DGKB: variants seen among roughly 807,000 people sequenced by gnomAD.
The protein encoded by DGKB is 90 kDa diacylglycerol kinase.
Under a neutral mutation model 114.3 loss-of-function variants are expected in DGKB, and 67 were observed. That is an observed-to-expected ratio of 0.59 (90% CI 0.48 to 0.72). The LOEUF is 0.72. Among genes scored for constraint, DGKB ranks in the 30% least tolerant of loss-of-function variants. The probability of loss-of-function intolerance (pLI) is 0.00; values close to 1 mark genes in which losing one functional copy is unlikely to be tolerated. For synonymous variants in DGKB, 398 were observed against 323.1 expected (o/e 1.23, Z -2.49); for missense variants, 907 against 975.2 (o/e 0.93, Z 0.93).
chr7:14,890,782 G>T (rs1337665530), intron 1 of DGKB, among the ~76,000 whole-genome samples: 1 of 150,530 alleles, frequency 6.6e-6, no homozygotes, highest in Non-Finnish European at 1.5e-5. Context: ...GCTTGTTCTT[G>T]TCAGACACCG....
intron 1 of DGKB, among the ~76,000 whole-genome samples, chr7:14,843,688 C>T (rs1016166667): frequency 1.3e-5 from 2 of 152,154 alleles, no homozygotes; most frequent in African/African-American, 4.8e-5. Context: ...TTTTAATTGC[C>T]AACAAGGCAA....
chr7:14,357,007 TACTTCCA>T (rs1563005156), intron 21 of DGKB, among the ~76,000 whole-genome samples: 2 of 152,222 alleles, frequency 1.3e-5, no homozygotes, highest in Admixed American at 1.3e-4. Context: ...AGGAGTGCTT[TACTTCCA>T]ACTATGTGGT....
intron 17 of DGKB, among the ~76,000 whole-genome samples, chr7:14,594,877 G>C (rs1165938974): frequency 6.6e-6 from 1 of 152,086 alleles, no homozygotes; most frequent in African/African-American, 2.4e-5. Flanking sequence ...AATGGCACCT[G>C]TATCTATCCA....
chr7:14,605,126 G>A (rs1412684976), intron 17 of DGKB, among the ~76,000 whole-genome samples: 1 of 151,862 alleles, frequency 6.6e-6, no homozygotes, highest in African/African-American at 2.4e-5. Context: ...TAGCATATTT[G>A]GTAATAATTG....
At position 14,964,774 on chromosome 7, in the gene DGKB, GCA is replaced by G. The variant is rs371042934; in HGVS notation, c.-188+9920_-188+9921del. On this transcript the variant is annotated intron_variant, in intron 1 of 4. Transcript: ENST00000437998. ...TGTTGGTCATTAAATGAGATAAGAT[GCA>G]AAAGGGATAATTTCTTGAACCAAAT... Among the ~76,000 whole-genome samples, 320 of 152,154 alleles carry G rather than the reference GCA, an allele frequency of 2.1e-3. 2 individuals are homozygous for G. Among genetic ancestry groups the G allele is most frequent in the African/African-American group, 7.5e-3 (310 of 41,536 alleles).
At chr7:14,844,982 C>T (rs1173443527) in intron 1 of DGKB, among the ~76,000 whole-genome samples, 1 of 151,690 alleles carries the variant, frequency 6.6e-6, no homozygotes, top group Non-Finnish European at 1.5e-5. Context: ...TAGCATGTGC[C>T]TGTAGTCCCA....
At chr7:14,945,542 ATATCCATTAATGTTAGCAACTGTAG>A (rs1320117026) in intron 1 of DGKB, among the ~76,000 whole-genome samples, 16 of 151,834 alleles carry the variant, frequency 1.1e-4, no homozygotes, top group African/African-American at 3.6e-4. Context: ...TCTTTTATAA[ATATCCATTAATGTTAGCAACTGTAG>A]TAATTGTTCT....
rs376463434 is a variant in DGKB, at chr7:14,677,187, G to A, written c.1036-4160C>T. On this transcript the variant is annotated intron_variant, in intron 12 of 25. Coordinates refer to ENST00000402815, the MANE Select transcript of DGKB (RefSeq NM_001350709.2). The stretch of plus-strand genomic sequence containing the variant: ...CTGTGTGCATGTGTGCCAGCATATA[G>A]TTCTATGGATGGAGTTAGGAAGAGT... Among the ~76,000 whole-genome samples, 12 of 152,104 alleles carry A rather than the reference G, an allele frequency of 7.9e-5. 1 individual carries two copies. In the South Asian group the frequency reaches 1.9e-3, roughly 24 times the overall value.
At chr7:14,289,247 T>C (rs1801361049) in intron 23 of DGKB, among the ~76,000 whole-genome samples, 1 of 151,840 alleles carries the variant, frequency 6.6e-6, no homozygotes, top group African/African-American at 2.4e-5. Context: ...ATTTTAAATA[T>C]TTCTCCAGGG....
At position 14,784,891 on chromosome 7, in the gene DGKB, A is replaced by AT. The variant is rs573953068; in HGVS notation, c.71-27161dup. 4.3e-3 allele frequency among the ~76,000 whole-genome samples: 650 copies of AT among 151,616 alleles called. 6 individuals carry two copies. The highest frequency in any genetic ancestry group is 0.015 in the African/African-American group (607 of 41,292). ...ATACTTCTTGTGATCCCTACAATAT[A>AT]TTCTATGTGTATTTGTTGCTGAAAT... is the stretch of plus-strand genomic sequence containing the variant. On this transcript the variant is annotated intron_variant, in intron 2 of 25. Coordinates refer to ENST00000402815, the MANE Select transcript of DGKB (RefSeq NM_001350709.2).
intron 5 of DGKB, among the ~76,000 whole-genome samples, chr7:14,729,283 C>CT (rs1830538037): frequency 7.3e-5 from 10 of 136,144 alleles, no homozygotes; most frequent in African/African-American, 2.0e-4. Flanking sequence ...CCACCACATC[C>CT]GGCTAATTTT....
chr7:14,167,298 A>G (rs1415293294), intron 25 of DGKB, among the ~76,000 whole-genome samples: 2 of 152,014 alleles, frequency 1.3e-5, no homozygotes, highest in Non-Finnish European at 2.9e-5. Context: ...TAAAACTCCA[A>G]TGGAGGAGAC....
intron 20 of DGKB, among the ~76,000 whole-genome samples, chr7:14,497,678 A>G (rs1472135652): frequency 6.6e-6 from 1 of 151,914 alleles, no homozygotes; most frequent in Non-Finnish European, 1.5e-5. Flanking sequence ...CCCAAATAAC[A>G]ATAATTCACT....
chr7:14,466,457 A>C (rs949482891), intron 21 of DGKB, among the ~76,000 whole-genome samples: 1 of 152,166 alleles, frequency 6.6e-6, no homozygotes, highest in African/African-American at 2.4e-5. Flanking sequence ...ACACCTTAGA[A>C]ATGTTTTTTA....
At chr7:14,234,320 C>T (rs1418260358) in intron 23 of DGKB, among the ~76,000 whole-genome samples, 2 of 152,078 alleles carry the variant, frequency 1.3e-5, no homozygotes, top group African/African-American at 2.4e-5. Context: ...ATACACTCTT[C>T]TCCAAAAGTA....
At chr7:14,828,115 A>G (rs563176713) in intron 2 of DGKB, among the ~76,000 whole-genome samples, 1 of 152,278 alleles carries the variant, frequency 6.6e-6, no homozygotes, top group Admixed American at 6.5e-5. Context: ...AACCTAGACA[A>G]GAGCAGATAA....
chr7:14,190,358 C>A (rs1358969667), intron 23 of DGKB, among the ~76,000 whole-genome samples: 1 of 152,068 alleles, frequency 6.6e-6, no homozygotes, highest in Non-Finnish European at 1.5e-5. Flanking sequence ...TGGGACACAT[C>A]TTACCAAAAC....
intron 2 of DGKB, among the ~76,000 whole-genome samples, chr7:14,802,826 G>A (rs556530436): frequency 8.6e-5 from 13 of 151,950 alleles, no homozygotes; most frequent in African/African-American, 1.2e-4. Context: ...GTGTCTCTTC[G>A]CCTTGCTAAT....
chr7:14,407,304 G>A (rs572466971), intron 21 of DGKB, among the ~76,000 whole-genome samples: 4 of 152,074 alleles, frequency 2.6e-5, no homozygotes, highest in African/African-American at 9.7e-5. Flanking sequence ...ATTGTTCAAC[G>A]TTGCTGAGTA....
Sources: allele counts gnomAD v4.1 joint callset (sites outside exome capture counted in the v4.1 genomes callset), GRCh38; gene constraint gnomAD v4.1.1; transcripts MANE v1.5; gene names NCBI Gene and HGNC (gene_info 2026-07-23, HGNC 2026-07-21).